The following ADAMTSL3 variants were observed in gnomAD, a reference collection of about 807,000 sequenced individuals.
ADAMTSL3 encodes the protein ADAMTS like 3.
A neutral mutation model predicts 201.7 loss-of-function variants in ADAMTSL3; 128 were observed. That is an observed-to-expected ratio of 0.63 (90% CI 0.55 to 0.73). The LOEUF (loss-of-function observed/expected upper bound fraction) is 0.73, where lower values mean the gene tolerates loss of function less well. Among genes scored for constraint, ADAMTSL3 ranks in the 30% least tolerant of loss-of-function variants. The pLI is 0.00. For synonymous variants in ADAMTSL3, 738 were observed against 748.4 expected (o/e 0.99, Z 0.23); for missense variants, 1,990 against 2,119.6 (o/e 0.94, Z 1.20).
At chr15:83,960,359 C>A (rs1015158944) in intron 19 of ADAMTSL3, among the ~76,000 whole-genome samples, 3 of 152,084 alleles carry the variant, frequency 2.0e-5, no homozygotes, top group Non-Finnish European at 4.4e-5. Flanking sequence ...AAAATCTGGA[C>A]CAGAATGAGG....
At chr15:83,976,488 A>G (rs1181031013) in intron 20 of ADAMTSL3, among the ~76,000 whole-genome samples, 3 of 151,944 alleles carry the variant, frequency 2.0e-5, no homozygotes, top group Non-Finnish European at 2.9e-5. Context: ...TTATTATTAC[A>G]TTGTAATGTG....
intron 17 of ADAMTSL3, among the ~76,000 whole-genome samples, chr15:83,939,812 G>A (rs1185146775): frequency 1.3e-5 from 2 of 151,838 alleles, no homozygotes; most frequent in Non-Finnish European, 2.9e-5. Context: ...AGTGGCGATG[G>A]GGTTTCACCA....
chr15:83,910,326 TA>T (rs55942829), intron 15 of ADAMTSL3, among the ~76,000 whole-genome samples: 192 of 144,486 alleles, frequency 1.3e-3, no homozygotes, highest in Middle Eastern at 3.5e-3. Context: ...TTTCTTTCTT[TA>T]AAAAAAAAAA....
At chr15:83,801,651 A>ATATAAATATATATATATAT (rs2063518564) in intron 4 of ADAMTSL3, among the ~76,000 whole-genome samples, 1 of 31,288 alleles carries the variant, frequency 3.2e-5, no homozygotes, top group Non-Finnish European at 6.7e-5. Flanking sequence ...TATAAATATA[A>ATATAAATATATATATATAT]ATATATATAT....
chr15:83,766,487 A>G (rs578159745), intron 3 of ADAMTSL3, among the ~76,000 whole-genome samples: 3 of 152,352 alleles, frequency 2.0e-5, no homozygotes, highest in South Asian at 4.1e-4. Flanking sequence ...GGGGGAAAAA[A>G]GTAAAAGACT....
At chr15:83,852,709 CTT>C (rs1162935717) in intron 7 of ADAMTSL3, among the ~76,000 whole-genome samples, 1 of 152,112 alleles carries the variant, frequency 6.6e-6, no homozygotes, top group African/African-American at 2.4e-5. Context: ...AGAAAACAGT[CTT>C]TGCCTATAAT....
intron 4 of ADAMTSL3, among the ~76,000 whole-genome samples, chr15:83,786,137 C>T (rs2063259263): frequency 6.6e-6 from 1 of 152,068 alleles, no homozygotes; most frequent in Non-Finnish European, 1.5e-5. Context: ...CCACCACATC[C>T]ACCTAATTTT....
intron 20 of ADAMTSL3, among the ~76,000 whole-genome samples, chr15:83,977,013 A>T (rs1279870521): frequency 6.6e-6 from 1 of 152,174 alleles, no homozygotes; most frequent in Non-Finnish European, 1.5e-5. Context: ...CCATGGACGG[A>T]TACTGGTCCA....
chr15:83,766,749 T>C (rs80119035), intron 3 of ADAMTSL3, among the ~76,000 whole-genome samples: 2,681 of 152,298 alleles, frequency 0.018, 46 homozygotes, highest in South Asian at 0.067. Context: ...AAAATAACTT[T>C]TATTGGATGT....
chr15:84,021,656 G>A, intron 26 of ADAMTSL3, 63 bp downstream of exon 26: 6 of 1,564,658 alleles, frequency 3.8e-6, no homozygotes, highest in Non-Finnish European at 5.2e-6. Context: ...GAAAGGTGCA[G>A]TGATTTGGAC....
At chr15:83,780,409 A>T (rs75102603) in intron 4 of ADAMTSL3, among the ~76,000 whole-genome samples, 3 of 100,908 alleles carry the variant, frequency 3.0e-5, no homozygotes, top group African/African-American at 4.6e-5. Context: ...AAACTCCATT[A>T]AAAAAAAAAA....
intron 2 of ADAMTSL3, 114 bp from the exon 3 acceptor site, chr15:83,704,275 G>T: frequency 1.4e-5 from 21 of 1,487,616 alleles, no homozygotes; most frequent in Admixed American, 1.2e-4. Flanking sequence ...TTCCCTTTTT[G>T]TTTCTTGGTA....
At chr15:83,833,230 G>A (rs2064192775) in intron 6 of ADAMTSL3, among the ~76,000 whole-genome samples, 1 of 151,996 alleles carries the variant, frequency 6.6e-6, no homozygotes, top group South Asian at 2.1e-4. Flanking sequence ...AGATTGGGTG[G>A]CATATTAACA....
At chr15:83,733,755 G>A (rs1241194270) in intron 3 of ADAMTSL3, among the ~76,000 whole-genome samples, 1 of 152,108 alleles carries the variant, frequency 6.6e-6, no homozygotes, top group East Asian at 1.9e-4. Flanking sequence ...TTTGTTGACA[G>A]CACTCATGTT....
intron 15 of ADAMTSL3, among the ~76,000 whole-genome samples, chr15:83,911,361 G>A (rs2065929825): frequency 6.6e-6 from 1 of 152,128 alleles, no homozygotes; most frequent in Non-Finnish European, 1.5e-5. Context: ...TATGTATAAT[G>A]TATTTATTTC....
chr15:83,747,052 C>A (rs1440382647), intron 3 of ADAMTSL3, among the ~76,000 whole-genome samples: 1 of 152,130 alleles, frequency 6.6e-6, no homozygotes, highest in Non-Finnish European at 1.5e-5. Flanking sequence ...TCTGTGTGGA[C>A]ATCGAGAAAA....
chr15:83,764,691 A>C (rs1232013926), intron 3 of ADAMTSL3, among the ~76,000 whole-genome samples: 8 of 152,070 alleles, frequency 5.3e-5, no homozygotes. Context: ...AATCCACAGA[A>C]TCTGGCTGGC....
At chr15:83,708,495 G>A (rs147589095) in intron 3 of ADAMTSL3, among the ~76,000 whole-genome samples, 24 of 152,002 alleles carry the variant, frequency 1.6e-4, no homozygotes, top group Non-Finnish European at 2.9e-4. Context: ...TGGATCATAC[G>A]GAGGGCCGCG....
chr15:83,765,064 A>G (rs2062869153), intron 3 of ADAMTSL3, among the ~76,000 whole-genome samples: 1 of 152,182 alleles, frequency 6.6e-6, no homozygotes, highest in Admixed American at 6.5e-5. Flanking sequence ...GGAGCAGCAG[A>G]GGGTAGAATG....
Sources: gnomAD v4.1 joint callset for allele counts (sites outside exome capture counted in the v4.1 genomes callset) on GRCh38, gnomAD v4.1.1 for gene constraint, MANE v1.5 for transcripts, NCBI Gene and HGNC (gene_info 2026-07-23, HGNC 2026-07-21) for gene names.